Variants in EIPR1 observed in about 807,000 individuals in gnomAD.
EIPR1 encodes EARP complex and GARP complex interacting protein 1.
In EIPR1, 25 loss-of-function variants were observed where a neutral mutation model predicts 48.1. That is an observed-to-expected ratio of 0.52 (90% CI 0.38 to 0.73). The LOEUF is 0.73. Among genes scored for constraint, EIPR1 ranks in the 30% least tolerant of loss-of-function variants. The pLI is 0.00. For missense variants in EIPR1, 415 were observed against 506.2 expected, an observed-to-expected ratio of 0.82 and a Z score of 1.73; for synonymous variants, 204 against 201.9, an observed-to-expected ratio of 1.01 and a Z score of -0.09.
intron 3 of EIPR1, among the ~76,000 whole-genome samples, chr2:3,318,020 C>A (rs1412157470): frequency 1.3e-5 from 2 of 152,252 alleles, no homozygotes; most frequent in Admixed American, 6.5e-5. Context: ...ATGCACAGCA[C>A]TTCGGACGGG....
intron 4 of EIPR1, chr2:3,214,476 GCCC>G (rs577725806): frequency 2.0e-4 from 85 of 424,728 alleles, no homozygotes; most frequent in Non-Finnish European, 3.2e-4. Flanking sequence ...GGAAGTCCTA[GCCC>G]CCCACCTGGT....
intron 1 of EIPR1, among the ~76,000 whole-genome samples, chr2:3,372,870 A>T (rs1345495924): frequency 6.6e-6 from 1 of 152,174 alleles, no homozygotes; most frequent in Non-Finnish European, 1.5e-5. Context: ...ATCCTCCCTA[A>T]CTCATTTTAT....
At chr2:3,228,396 C>G (rs1248323178) in intron 4 of EIPR1, among the ~76,000 whole-genome samples, 2 of 152,258 alleles carry the variant, frequency 1.3e-5, no homozygotes, top group Non-Finnish European at 2.9e-5. Context: ...TGTATTTGCT[C>G]AATGCCTGTA....
intron 3 of EIPR1, among the ~76,000 whole-genome samples, chr2:3,276,171 C>T (rs1339515003): frequency 6.6e-6 from 1 of 152,178 alleles, no homozygotes; most frequent in Non-Finnish European, 1.5e-5. Flanking sequence ...TTAGAAATTA[C>T]CATTTAGGGT....
chr2:3,366,019 A>G (rs897360350), intron 1 of EIPR1, among the ~76,000 whole-genome samples: 2 of 152,060 alleles, frequency 1.3e-5, no homozygotes, highest in South Asian at 4.2e-4. Flanking sequence ...AAAGCTTTTT[A>G]AAAAGAGGCC....
intron 2 of EIPR1, among the ~76,000 whole-genome samples, 159 bp downstream of exon 2, chr2:3,354,391 A>G (rs1300257953): frequency 1.3e-5 from 2 of 152,232 alleles, no homozygotes; most frequent in East Asian, 1.9e-4. Context: ...GATGGATAAT[A>G]TTCTTTGATT....
At chr2:3,288,772 G>A (rs535573726) in intron 3 of EIPR1, among the ~76,000 whole-genome samples, 24 of 152,366 alleles carry the variant, frequency 1.6e-4, no homozygotes, top group South Asian at 1.4e-3. Flanking sequence ...CATGGCCTGG[G>A]ACAGAGGACA....
At chr2:3,300,675 A>G (rs2103292927) in intron 3 of EIPR1, among the ~76,000 whole-genome samples, 1 of 152,318 alleles carries the variant, frequency 6.6e-6, no homozygotes, top group Non-Finnish European at 1.5e-5. Flanking sequence ...AACCAAAAAC[A>G]AAAACAAGAA....
intron 5 of EIPR1, among the ~76,000 whole-genome samples, chr2:3,205,210 G>A (rs772031207): frequency 2.0e-4 from 30 of 152,306 alleles, no homozygotes; most frequent in Admixed American, 3.9e-4. Flanking sequence ...CCCTGAGCCC[G>A]TTCCCATCCC....
At chr2:3,267,757 G>A (rs573418991) in intron 3 of EIPR1, among the ~76,000 whole-genome samples, 32 of 152,158 alleles carry the variant, frequency 2.1e-4, no homozygotes, top group Non-Finnish European at 3.2e-4. Flanking sequence ...CATGAGCTAA[G>A]AGTGGTTCTG....
chr2:3,237,873 G>A (rs1352622846), intron 4 of EIPR1, among the ~76,000 whole-genome samples: 3 of 152,192 alleles, frequency 2.0e-5, no homozygotes, highest in African/African-American at 7.2e-5. Flanking sequence ...TGTTCAATAA[G>A]CCCTCGCTGT....
At chr2:3,246,628 C>T (rs375376837) in intron 4 of EIPR1, among the ~76,000 whole-genome samples, 25 of 152,094 alleles carry the variant, frequency 1.6e-4, no homozygotes, top group Middle Eastern at 3.4e-3. Context: ...ATGCAGGTGA[C>T]GGGCACTTGG....
chr2:3,362,603 T>G (rs551297679), intron 1 of EIPR1, among the ~76,000 whole-genome samples: 1 of 144,532 alleles, frequency 6.9e-6, no homozygotes, highest in African/African-American at 2.6e-5. Flanking sequence ...AAGAAGGAGA[T>G]CACCCCACTG....
chr2:3,292,160 G>T (rs370124391), intron 3 of EIPR1, among the ~76,000 whole-genome samples: 1 of 152,346 alleles, frequency 6.6e-6, no homozygotes, highest in East Asian at 1.9e-4. Context: ...GAAATATTCT[G>T]GGTCAAGGTG....
At chr2:3,348,871 T>A (rs1166921805) in intron 2 of EIPR1, among the ~76,000 whole-genome samples, 2 of 152,158 alleles carry the variant, frequency 1.3e-5, no homozygotes, top group African/African-American at 4.8e-5. Flanking sequence ...CAGACTCCGT[T>A]GTCACAGAAG....
At chr2:3,192,890 G>T (rs1664659966) in intron 7 of EIPR1, among the ~76,000 whole-genome samples, 1 of 150,486 alleles carries the variant, frequency 6.6e-6, no homozygotes, top group South Asian at 2.1e-4. Context: ...AAAAAATACT[G>T]TCCCAGAAGC....
intron 2 of EIPR1, among the ~76,000 whole-genome samples, chr2:3,343,260 C>T (rs1670304151): frequency 6.6e-6 from 1 of 152,228 alleles, no homozygotes; most frequent in Non-Finnish European, 1.5e-5. Flanking sequence ...AGTACCTCAA[C>T]TCTCTGTTCT....
At chr2:3,365,550 G>A (rs1468633228) in intron 1 of EIPR1, among the ~76,000 whole-genome samples, 1 of 150,580 alleles carries the variant, frequency 6.6e-6, no homozygotes, top group African/African-American at 2.4e-5. Context: ...ATTTGGCAGG[G>A]TCATAGGACA....
chr2:3,196,732 T>G (rs1360809646), intron 6 of EIPR1, 149 bp downstream of exon 6: 8 of 1,252,284 alleles, frequency 6.4e-6, no homozygotes, highest in African/African-American at 1.5e-5. Context: ...AGAAACAAGA[T>G]GAAGATTTAT....
Sources: allele counts gnomAD v4.1 joint callset (sites outside exome capture counted in the v4.1 genomes callset), GRCh38; gene constraint gnomAD v4.1.1; transcripts MANE v1.5; gene names NCBI Gene and HGNC (gene_info 2026-07-23, HGNC 2026-07-21).